MMP15: variants seen among roughly 807,000 people sequenced by gnomAD.
MMP15 encodes matrix metallopeptidase 15, also known as matrix metalloproteinase-15.
In MMP15, 36 loss-of-function variants were observed where a neutral mutation model predicts 65.0. That is an observed-to-expected ratio of 0.55 (90% confidence interval 0.42 to 0.73). The LOEUF is 0.73. Among genes scored for constraint, MMP15 ranks in the 30% least tolerant of loss-of-function variants. MMP15 has a pLI of 0.00. For synonymous variants in MMP15, 428 were observed against 410.2 expected, an observed-to-expected ratio of 1.04 and a Z score of -0.52; for missense variants, 870 against 987.8, an observed-to-expected ratio of 0.88 and a Z score of 1.60.
At position 58,039,947 on chromosome 16, in the gene MMP15, G is replaced by A; in HGVS notation, c.513G>A (p.Trp171Ter). Residue 171 changes from tryptophan (W) to a stop codon, truncating the protein, a stop_gained, in exon 4 of 10, where the codon TGG becomes TGA. Coordinates refer to ENST00000219271, the MANE Select transcript of MMP15 (RefSeq NM_002428.4). LOFTEE classifies it high-confidence loss of function. ...MEAVRRAFRV[W>*]EQATPLVFQE... ...CGGTGCGCAGGGCCTTCCGCGTGTG[G>A]GAGCAGGCCACGCCCCTGGTCTTCC... 1 of 1,613,528 alleles carries A rather than the reference G, an allele frequency of 6.2e-7. No homozygotes were observed. The highest frequency in any genetic ancestry group is 8.5e-7 in the Non-Finnish European group (1 of 1,179,834).
At chr16:58,039,407 G>A (rs532193540) in intron 3 of MMP15, among the ~76,000 whole-genome samples, 34 of 152,348 alleles carry the variant, frequency 2.2e-4, no homozygotes, top group African/African-American at 5.3e-4. Flanking sequence ...GCTCCAGCCC[G>A]GGTGACAGAG....
chr16:58,041,948 C>A, intron 6 of MMP15, 78 bp downstream of exon 6: 1 of 1,465,650 alleles, frequency 6.8e-7, no homozygotes, highest in East Asian at 2.4e-5. Context: ...CCTCACTCAG[C>A]AGGCCCCGGG....
At chr16:58,035,685 G>A (rs1265158937) in intron 1 of MMP15, among the ~76,000 whole-genome samples, 2 of 152,210 alleles carry the variant, frequency 1.3e-5, no homozygotes, top group African/African-American at 4.8e-5. Flanking sequence ...GCCAGGGTCT[G>A]CCTAGCTCCA....
At chr16:58,044,513 G>C (rs1400927529) in intron 9 of MMP15, among the ~76,000 whole-genome samples, 2 of 152,184 alleles carry the variant, frequency 1.3e-5, no homozygotes, top group African/African-American at 4.8e-5. Context: ...CAGCCGCTCT[G>C]ATCTCTTGTG....
Position 58,045,542 on chromosome 16 carries a change from AG to A in MMP15, c.*97del, listed in dbSNP as rs767142184. 1.8e-3 allele frequency: 1,832 copies of A among 1,019,202 alleles called. 7 individuals carry two copies. Among genetic ancestry groups the A allele is most frequent in the Non-Finnish European group, 2.3e-3 (1,618 of 718,534 alleles). 63.1% of individuals were successfully genotyped at this position (1,019,202 alleles called of 1,614,324 possible). On this transcript the variant is annotated 3_prime_UTR_variant, in exon 10 of 10. Transcript: ENST00000219271. Reference sequence around the variant, plus strand: ...CCGCCCCCAGGTAGGGGCCCCTCTCAGCCCTCACACACCCTGTCTGCCCCGC... The same window carrying A: ...CCGCCCCCAGGTAGGGGCCCCTCTCACCCTCACACACCCTGTCTGCCCCGC...
intron 8 of MMP15, 61 bp from the exon 9 acceptor site, chr16:58,043,451 G>C: frequency 1.2e-6 from 2 of 1,600,870 alleles, no homozygotes; most frequent in Non-Finnish European, 8.5e-7. Flanking sequence ...ACTGCCTGTG[G>C]GGAACGGGTC....
intron 1 of MMP15, among the ~76,000 whole-genome samples, chr16:58,031,122 G>A (rs1428027907): frequency 6.6e-6 from 1 of 151,468 alleles, no homozygotes; most frequent in Non-Finnish European, 1.5e-5. Context: ...CTACAAAAGA[G>A]GAAACTAATA....
At chr16:58,041,924 G>GCC in intron 6 of MMP15, 54 bp downstream of exon 6, 1 of 1,523,560 alleles carries the variant, frequency 6.6e-7, no homozygotes, top group Non-Finnish European at 8.8e-7. Flanking sequence ...GCTGCTCTGG[G>GCC]CCCCCTGTCC....
chr16:58,028,088 C>T (rs1260995776), intron 1 of MMP15, among the ~76,000 whole-genome samples: 1 of 152,168 alleles, frequency 6.6e-6, no homozygotes, highest in Non-Finnish European at 1.5e-5. Flanking sequence ...ATTCAATGGC[C>T]GTGCATTGCT....
Position 58,040,185 on chromosome 16 carries a change from G to A in MMP15, c.748+3G>A, listed in dbSNP as rs772813160. On this transcript the variant is annotated splice_donor_region_variant and intron_variant, in intron 4 of 9. Coordinates refer to ENST00000219271, the MANE Select transcript of MMP15 (RefSeq NM_002428.4). ...CTTCTCCAGCACTGACCTGCATGGT[G>A]AGGACAGCTGGCCAGGGTGAGGGGC... 6.9e-6 allele frequency: 11 copies of A among 1,600,764 alleles called. No individual in the cohort carries two copies. Among genetic ancestry groups the A allele is most frequent in the Admixed American group, 1.7e-5 (1 of 59,766 alleles).
At chr16:58,044,370 C>T (rs1959512782) in intron 9 of MMP15, among the ~76,000 whole-genome samples, 2 of 152,314 alleles carry the variant, frequency 1.3e-5, no homozygotes, top group South Asian at 2.1e-4. Flanking sequence ...TTACTTGAGT[C>T]TGGGAGGTCA....
rs770840801 is a variant in MMP15 at position 58,039,833 on chromosome 16, C to T, written c.441-42C>T. The T allele has an allele frequency of 1.9e-6, 3 of 1,556,116 alleles. No homozygotes were observed. In the South Asian group the frequency reaches 3.7e-5, roughly 19 times the overall value. On this transcript the variant is annotated intron_variant, in intron 3 of 9. Transcript: ENST00000219271. ...ACATGCCAGCAGAGGATAGTAGGCC[C>T]TTGGCCCTGCATCCGCTCACTCATC...
At chr16:58,041,442 C>G (rs1959449149) in intron 5 of MMP15, among the ~76,000 whole-genome samples, 175 bp from the exon 6 acceptor site, 1 of 151,378 alleles carries the variant, frequency 6.6e-6, no homozygotes. Flanking sequence ...CGAGGAGGGG[C>G]TAGAAGGAGG....
chr16:58,045,177 G>A lies in MMP15; in HGVS notation c.1741G>A (p.Gly581Arg), dbSNP rs779536762. The A allele has an allele frequency of 1.2e-5, 19 of 1,593,504 alleles. No individual in the cohort carries two copies. Among genetic ancestry groups the A allele is most frequent in the South Asian group, 6.8e-5 (6 of 88,714 alleles). The stretch of plus-strand genomic sequence containing the variant: ...GGCCCGGCCGCCCTTCAACCCCCAC[G>A]GGGGTGCAGAGCCCGGGGCGGACAG... Reference protein sequence around the residue: ...DVARPPFNPHGGAEPGADSAE... With the variant: ...DVARPPFNPHRGAEPGADSAE... The change falls in exon 10 of 10, where the codon GGG (glycine) becomes AGG (arginine). Residue 581 changes from glycine (G) to arginine (R), a missense_variant. Gly to Arg is a moderately radical substitution (Grantham distance 125). Coordinates refer to ENST00000219271, the MANE Select transcript of MMP15 (RefSeq NM_002428.4).
intron 9 of MMP15, among the ~76,000 whole-genome samples, chr16:58,044,228 T>C (rs1192453503): frequency 6.6e-6 from 1 of 152,324 alleles, no homozygotes; most frequent in African/African-American, 2.4e-5. Flanking sequence ...AGAGGATCGC[T>C]TGAGTCCAGG....
Position 58,044,378 on chromosome 16 carries a change from T to C in MMP15, c.1571-629T>C, listed in dbSNP as rs41386449. Among the ~76,000 whole-genome samples, 381 of 152,260 alleles carry C rather than the reference T, an allele frequency of 2.5e-3. 8 individuals are homozygous for C. In the East Asian group the frequency reaches 0.032, roughly 13 times the overall value. On this transcript the variant is annotated intron_variant, in intron 9 of 9. Coordinates refer to ENST00000219271, the MANE Select transcript of MMP15 (RefSeq NM_002428.4). ...CGGAGGATTACTTGAGTCTGGGAGG[T>C]CAAGGCTGCAGTGAGCTGTGATCGC...
chr16:58,038,432 C>A, intron 3 of MMP15, 38 bp downstream of exon 3: 2 of 1,610,818 alleles, frequency 1.2e-6, no homozygotes, highest in South Asian at 2.2e-5. Flanking sequence ...ATCTGCCCCT[C>A]GGCAGGCCGA....
At chr16:58,040,778 C>G (rs766380392) in intron 5 of MMP15, 80 bp downstream of exon 5, 2 of 1,587,536 alleles carry the variant, frequency 1.3e-6, no homozygotes, top group East Asian at 4.5e-5. Flanking sequence ...GCTGCCATCC[C>G]CATTTTGTAG....
At position 58,026,330 on chromosome 16, in the gene MMP15, G is replaced by A. The variant is rs1963813521; in HGVS notation, c.-21G>A. The A allele has an allele frequency of 1.5e-6, 2 of 1,331,044 alleles. No individual in the cohort carries two copies. Among genetic ancestry groups the A allele is most frequent in the South Asian group, 1.9e-5 (1 of 52,052 alleles). 82.5% of individuals were successfully genotyped at this position (1,331,044 alleles called of 1,614,324 possible). Reference sequence around the variant, plus strand: ...GAGGATCCGGCGTGCAGTGTTCCGAGCTGGGCTGGGCGCCGAGAGCATGGG... The same window carrying A: ...GAGGATCCGGCGTGCAGTGTTCCGAACTGGGCTGGGCGCCGAGAGCATGGG... On this transcript the variant is annotated 5_prime_UTR_variant, in exon 1 of 10. Transcript: ENST00000219271.
Sources: gnomAD v4.1 joint callset for allele counts (sites outside exome capture counted in the v4.1 genomes callset) on GRCh38, gnomAD v4.1.1 for gene constraint, MANE v1.5 for transcripts, NCBI Gene and HGNC (gene_info 2026-07-23, HGNC 2026-07-21) for gene names.